LRPAP1: variants seen among roughly 807,000 people sequenced by gnomAD.
LRPAP1 encodes alpha-2-macroglobulin receptor-associated protein.
Under a neutral mutation model 39.9 loss-of-function variants are expected in LRPAP1, and 41 were observed. The ratio of observed to expected loss-of-function variants is 1.03; its 90% CI spans 0.80 to 1.33. LRPAP1 has a LOEUF of 1.33. Ranked by LOEUF, LRPAP1 falls within the 40% of genes most tolerant of loss-of-function variation. The pLI is 0.00. For missense variants in LRPAP1, 565 were observed against 482.3 expected, an observed-to-expected ratio of 1.17 and a Z score of -1.61; for synonymous variants, 263 against 212.7, an observed-to-expected ratio of 1.24 and a Z score of -2.06.
rs769278906 is a variant in LRPAP1, at chr4:3,516,886, G to C, written c.752-688C>G. Among the ~76,000 whole-genome samples the C allele has an allele frequency of 4.3e-4, 66 of 152,238 alleles. 1 individual carries two copies. Among genetic ancestry groups the C allele is most frequent in the Non-Finnish European group, 8.5e-4 (58 of 68,042 alleles). On this transcript the variant is annotated intron_variant, in intron 5 of 7. Coordinates refer to ENST00000650182, the MANE Select transcript of LRPAP1 (RefSeq NM_002337.4). ...GGACCCCGAGGACCCTGGGCTGGTG[G>C]GGCTTGCTGGAAGGCCCAGGCAGAC...
At position 3,511,667 on chromosome 4, in the gene LRPAP1, T is replaced by C. The variant is rs1462174904; in HGVS notation, c.*1307A>G. 1 of 152,242 alleles carries C rather than the reference T, an allele frequency of 6.6e-6. No homozygotes were observed. Among genetic ancestry groups the C allele is most frequent in the African/African-American group, 2.4e-5 (1 of 41,420 alleles). The allele number at this position is 152,242 out of a possible 1,614,324, so 9.4% of individuals were successfully genotyped here. On this transcript the variant is annotated 3_prime_UTR_variant, in exon 8 of 8. Coordinates refer to ENST00000650182, the MANE Select transcript of LRPAP1 (RefSeq NM_002337.4). The stretch of plus-strand genomic sequence containing the variant: ...GCAGATCTCAACAGTCAAGCCAAGA[T>C]CCAGCTGCAGTCAAAACACAATACG...
rs1207421852 is a variant in LRPAP1, at chr4:3,505,288, C to T, written c.*7686G>A. On this transcript the variant is annotated 3_prime_UTR_variant, in exon 8 of 8. Transcript: ENST00000650182. Reference sequence around the variant, plus strand: ...GTGGTGGGGGAGCAGGCATGGCACCCGGAGCACTGGAGCCCAATGCAGGGT... The same window carrying T: ...GTGGTGGGGGAGCAGGCATGGCACCTGGAGCACTGGAGCCCAATGCAGGGT... Among the ~76,000 whole-genome samples the T allele has an allele frequency of 1.3e-5, 2 of 152,196 alleles. No homozygotes were observed. Among genetic ancestry groups the T allele is most frequent in the African/African-American group, 4.8e-5 (2 of 41,454 alleles).
At chr4:3,521,751 G>C (rs1486742439) in intron 2 of LRPAP1, among the ~76,000 whole-genome samples, 2 of 152,238 alleles carry the variant, frequency 1.3e-5, no homozygotes, top group African/African-American at 2.4e-5. Context: ...GTCAAGAGCT[G>C]CTGGCGCTGG....
At position 3,504,713 on chromosome 4, in the gene LRPAP1, G is replaced by T. The variant is rs2858025; in HGVS notation, c.*8261C>A. 1.0e-4 allele frequency among the ~76,000 whole-genome samples: 15 copies of T among 143,394 alleles called. No individual in the cohort carries two copies. The highest frequency in any genetic ancestry group is 3.0e-5 in the Non-Finnish European group (2 of 66,704). 94.1% of individuals were successfully genotyped at this position (143,394 alleles called of 152,430 possible). ...TGCAGTGAGCCAAGATTGCGCCATTGCACTGCAGCCTGAGCAATTGAGATT... is the reference window on the plus strand; with the variant it reads ...TGCAGTGAGCCAAGATTGCGCCATTTCACTGCAGCCTGAGCAATTGAGATT... On this transcript the variant is annotated 3_prime_UTR_variant, in exon 8 of 8. Coordinates refer to ENST00000650182, the MANE Select transcript of LRPAP1 (RefSeq NM_002337.4).
intron 2 of LRPAP1, among the ~76,000 whole-genome samples, chr4:3,524,571 G>A (rs985503626): frequency 2.6e-5 from 4 of 152,196 alleles, no homozygotes; most frequent in South Asian, 2.1e-4. Context: ...ATAGCCCCCC[G>A]CAGGCTGTGC....
Position 3,505,232 on chromosome 4 carries a change from C to T in LRPAP1, c.*7742G>A, listed in dbSNP as rs923135285. ...GCTCGAGGCTGCTCTTCAGCCCCAG[C>T]CCCTGGTGTCCCGCAGCGGCTGCGG... On this transcript the variant is annotated 3_prime_UTR_variant, in exon 8 of 8. Coordinates refer to ENST00000650182, the MANE Select transcript of LRPAP1 (RefSeq NM_002337.4). Among the ~76,000 whole-genome samples the T allele has an allele frequency of 1.6e-4, 24 of 152,334 alleles. No homozygotes were observed. The highest frequency in any genetic ancestry group is 4.6e-4 in the African/African-American group (19 of 41,570).
chr4:3,526,965 A>G (rs185498224), intron 1 of LRPAP1, among the ~76,000 whole-genome samples: 24 of 152,326 alleles, frequency 1.6e-4, no homozygotes, highest in Admixed American at 1.5e-3. Context: ...AAGATCCCCA[A>G]TGGTAAAAAG....
intron 2 of LRPAP1, among the ~76,000 whole-genome samples, chr4:3,521,774 T>C (rs905079684): frequency 1.3e-5 from 2 of 152,226 alleles, no homozygotes; most frequent in South Asian, 2.1e-4. Context: ...ACGGGTCCCG[T>C]AGATGCATGC....
At chr4:3,529,597 G>C (rs1730185322) in intron 1 of LRPAP1, among the ~76,000 whole-genome samples, 1 of 152,176 alleles carries the variant, frequency 6.6e-6, no homozygotes, top group Non-Finnish European at 1.5e-5. Flanking sequence ...CAGGAGTCTT[G>C]CAACACAGTG....
At position 3,508,888 on chromosome 4, in the gene LRPAP1, A is replaced by G. The variant is rs3183; in HGVS notation, c.*4086T>C. The G allele has an allele frequency of 0.71, 107,207 of 151,462 alleles. 38,328 individuals carry two copies. The highest frequency in any genetic ancestry group is 0.93 in the East Asian group (4,767 of 5,140). 9.4% of individuals were successfully genotyped at this position (151,462 alleles called of 1,614,324 possible). On this transcript the variant is annotated 3_prime_UTR_variant, in exon 8 of 8. Coordinates refer to ENST00000650182, the MANE Select transcript of LRPAP1 (RefSeq NM_002337.4). ...AGATTAGCGAGCGCCGGCTCACCTC[A>G]CCAGTGCAGTGAGAAGCCGAGGCAC...
intron 2 of LRPAP1, among the ~76,000 whole-genome samples, chr4:3,523,804 TG>T (rs937675495): frequency 6.6e-6 from 1 of 152,208 alleles, no homozygotes; most frequent in Non-Finnish European, 1.5e-5. Flanking sequence ...GCCAGGGCTC[TG>T]GGGCCACCCT....
At chr4:3,517,029 C>A (rs906593899) in intron 5 of LRPAP1, among the ~76,000 whole-genome samples, 2 of 151,870 alleles carry the variant, frequency 1.3e-5, no homozygotes, top group African/African-American at 4.9e-5. Flanking sequence ...CAGGCTCATC[C>A]GGGTCTCTCC....
chr4:3,524,207 A>G (rs917670853), intron 2 of LRPAP1, among the ~76,000 whole-genome samples: 4 of 152,168 alleles, frequency 2.6e-5, no homozygotes, highest in African/African-American at 4.8e-5. Flanking sequence ...GGGGTCCAAA[A>G]GGAACAGTCG....
In LRPAP1 at chr4:3,511,472, AAAG is replaced by A. The variant is rs1212134608; in HGVS notation, c.*1499_*1501del. 6.6e-6 allele frequency: 1 copy of A among 152,156 alleles called. No homozygotes were observed. Among genetic ancestry groups the A allele is most frequent in the Non-Finnish European group, 1.5e-5 (1 of 68,072 alleles). 9.4% of individuals were successfully genotyped at this position (152,156 alleles called of 1,614,324 possible). ...AAGGCTCTCAGGATAATGGGAAAAA[AAAG>A]AACCAGAATCCACCCCCCGCCCCAC... On this transcript the variant is annotated 3_prime_UTR_variant, in exon 8 of 8. Coordinates refer to ENST00000650182, the MANE Select transcript of LRPAP1 (RefSeq NM_002337.4).
intron 2 of LRPAP1, among the ~76,000 whole-genome samples, chr4:3,520,709 T>C (rs931124272): frequency 4.6e-5 from 7 of 152,198 alleles, no homozygotes; most frequent in African/African-American, 1.7e-4. Context: ...TTATATTTAT[T>C]GGGAGGAAAA....
intron 1 of LRPAP1, chr4:3,531,909 T>C: frequency 2.0e-6 from 1 of 499,950 alleles, no homozygotes; most frequent in East Asian, 3.7e-5. Context: ...AGCCTGGTTC[T>C]GTCCCTACGC....
chr4:3,525,883 C>T lies in LRPAP1; in HGVS notation c.205-832G>A, dbSNP rs534176260. 6.3e-4 allele frequency among the ~76,000 whole-genome samples: 96 copies of T among 152,344 alleles called. 1 individual carries two copies. The highest frequency in any genetic ancestry group is 2.9e-4 in the Non-Finnish European group (20 of 68,034). On this transcript the variant is annotated intron_variant, in intron 1 of 7. Coordinates refer to ENST00000650182, the MANE Select transcript of LRPAP1 (RefSeq NM_002337.4). Reference sequence around the variant, plus strand: ...AGACTGGGCCAGAATGCCAGGCGGCCGAGGCAAGCAGCAGAATGAAACCCA... The same window carrying T: ...AGACTGGGCCAGAATGCCAGGCGGCTGAGGCAAGCAGCAGAATGAAACCCA...
At chr4:3,522,802 A>ACCCCAGAG (rs1329170823) in intron 2 of LRPAP1, among the ~76,000 whole-genome samples, 2 of 152,088 alleles carry the variant, frequency 1.3e-5, no homozygotes, top group Non-Finnish European at 2.9e-5. Context: ...ACAGGAGCGA[A>ACCCCAGAG]CCCCAGAGCA....
At chr4:3,532,179 C>T (rs965990470) in intron 1 of LRPAP1, 30 bp downstream of exon 1, 4 of 1,188,880 alleles carry the variant, frequency 3.4e-6, no homozygotes, top group African/African-American at 3.0e-5. Flanking sequence ...GCCCCCAGGC[C>T]CCGCTCCACC....
Sources: gnomAD v4.1 joint callset for allele counts (sites outside exome capture counted in the v4.1 genomes callset) on GRCh38, gnomAD v4.1.1 for gene constraint, MANE v1.5 for transcripts, NCBI Gene and HGNC (gene_info 2026-07-23, HGNC 2026-07-21) for gene names.